PAK3: variants seen among roughly 807,000 people sequenced by gnomAD.
PAK3 encodes the protein p21 (RAC1) activated kinase 3, also known as serine/threonine-protein kinase PAK 3.
In PAK3, 4 loss-of-function variants were observed where a neutral mutation model predicts 41.0. That is an observed-to-expected ratio of 0.10 (90% CI 0.05 to 0.22). PAK3 has a LOEUF of 0.22. Among genes scored for constraint, PAK3 ranks in the 10% least tolerant of loss-of-function variants. The pLI, the probability that PAK3 is intolerant of heterozygous loss-of-function variation, is 1.00. For synonymous variants in PAK3, 146 were observed against 139.6 expected, an observed-to-expected ratio of 1.05 and a Z score of -0.32; for missense variants, 205 against 409.9, an observed-to-expected ratio of 0.50 and a Z score of 4.32.
chrX:111,135,571 G>A (rs1370401896), intron 5 of PAK3, among the ~76,000 whole-genome samples: 2 of 111,214 alleles, frequency 1.8e-5, no homozygotes, highest in Non-Finnish European at 3.8e-5. Flanking sequence ...AAATGAGGCT[G>A]AGAAAGAAAA....
At position 111,152,490 on chromosome X, in the gene PAK3, C is replaced by T. The variant is rs377362916; in HGVS notation, c.468+43C>T. ...AACTGTTTCACATGATTGGTGTTTCCAAAGATTTAAGAGAATATAACTGCA... is the reference window on the plus strand; with the variant it reads ...AACTGTTTCACATGATTGGTGTTTCTAAAGATTTAAGAGAATATAACTGCA... On this transcript the variant is annotated intron_variant, in intron 8 of 17. Coordinates refer to ENST00000372007, the MANE Select transcript of PAK3 (RefSeq NM_002578.5). 10 of 942,711 alleles carry T rather than the reference C, an allele frequency of 1.1e-5. No homozygotes were observed. In the African/African-American group the frequency reaches 1.9e-4, roughly 18 times the overall value. The allele number at this position is 942,711 out of a possible 1,213,427, so 77.7% of individuals were successfully genotyped here.
chrX:111,129,626 G>A (rs1036152984), intron 5 of PAK3, among the ~76,000 whole-genome samples: 47 of 111,587 alleles, frequency 4.2e-4, no homozygotes, highest in African/African-American at 1.5e-3. Flanking sequence ...AATGAATGGG[G>A]AAACTGGGCA....
At chrX:111,214,262 A>T (rs2094852201) in intron 16 of PAK3, among the ~76,000 whole-genome samples, 1 of 111,800 alleles carries the variant, frequency 8.9e-6, no homozygotes, top group Non-Finnish European at 1.9e-5. Context: ...CTGAGTTATT[A>T]TGTGTGAATT....
chrX:111,186,464 G>A (rs752778534), intron 11 of PAK3, among the ~76,000 whole-genome samples: 1 of 111,635 alleles, frequency 9.0e-6, no homozygotes, highest in Non-Finnish European at 1.9e-5. Context: ...CAAAATCAAT[G>A]TGCAAAAATC....
At chrX:110,983,529 C>CGTGT (rs113126993) in intron 1 of PAK3, among the ~76,000 whole-genome samples, 2,647 of 100,118 alleles carry the variant, frequency 0.026, 28 homozygotes, top group South Asian at 0.048. Context: ...TGTATGTCTG[C>CGTGT]GTGTGTGTGT....
chrX:111,018,372 T>A (rs1426468841), intron 1 of PAK3, among the ~76,000 whole-genome samples: 1 of 112,055 alleles, frequency 8.9e-6, no homozygotes, highest in Non-Finnish European at 1.9e-5. Flanking sequence ...CTATTAGAAC[T>A]AATAAATCAA....
chrX:110,961,037 G>C (rs771997149), intron 1 of PAK3, among the ~76,000 whole-genome samples: 126 of 110,746 alleles, frequency 1.1e-3, no homozygotes, highest in African/African-American at 3.7e-3. Flanking sequence ...TATTATAGTG[G>C]TTTAGCAAAA....
chrX:111,031,128 T>C (rs2092335266), intron 1 of PAK3, among the ~76,000 whole-genome samples: 1 of 112,377 alleles, frequency 8.9e-6, no homozygotes, highest in Non-Finnish European at 1.9e-5. Context: ...GATTACCTAC[T>C]GCAAGACATT....
intron 5 of PAK3, among the ~76,000 whole-genome samples, chrX:111,128,445 C>A (rs1002957605): frequency 1.8e-5 from 2 of 112,154 alleles, no homozygotes; most frequent in African/African-American, 6.5e-5. Flanking sequence ...AGGCACTTTA[C>A]ATGTATTGAT....
chrX:110,978,069 C>T (rs773015702), intron 1 of PAK3, among the ~76,000 whole-genome samples: 1 of 111,698 alleles, frequency 9.0e-6, no homozygotes, highest in African/African-American at 3.3e-5. Context: ...CTATCTGTAG[C>T]TTGTTGAGTG....
chrX:111,001,222 C>G (rs2091842801), intron 1 of PAK3, among the ~76,000 whole-genome samples: 1 of 112,155 alleles, frequency 8.9e-6, no homozygotes. Context: ...GGAAGTCAAA[C>G]AAAGGACATC....
upstream of PAK3, among the ~76,000 whole-genome samples, chrX:111,094,872 A>G (rs771683659): frequency 9.9e-4 from 108 of 109,411 alleles, no homozygotes; most frequent in Non-Finnish European, 1.8e-3. Context: ...TATTTTTAGT[A>G]GAGACGGGGT....
intron 1 of PAK3, among the ~76,000 whole-genome samples, chrX:110,959,690 A>G (rs774283973): frequency 2.7e-5 from 3 of 110,856 alleles, no homozygotes; most frequent in Non-Finnish European, 5.7e-5. Flanking sequence ...GCCTTAATTG[A>G]CACATCAGTT....
At chrX:111,138,589 C>G (rs1569393617) in intron 5 of PAK3, among the ~76,000 whole-genome samples, 1 of 110,609 alleles carries the variant, frequency 9.0e-6, no homozygotes, top group Non-Finnish European at 1.9e-5. Flanking sequence ...TAGGAGTGAT[C>G]CCCATAAATT....
At chrX:111,040,391 A>T (rs1042088281) in intron 1 of PAK3, among the ~76,000 whole-genome samples, 2 of 112,421 alleles carry the variant, frequency 1.8e-5, no homozygotes, top group African/African-American at 6.5e-5. Context: ...ATCATAATGC[A>T]TCAATTACTG....
Position 110,971,154 on chromosome X carries a change from T to C in PAK3, c.-28+26526T>C, listed in dbSNP as rs952672152. Among the ~76,000 whole-genome samples, 35 of 112,254 alleles carry C rather than the reference T, an allele frequency of 3.1e-4. 2 individuals carry two copies. Among genetic ancestry groups the C allele is most frequent in the African/African-American group, 1.0e-3 (31 of 30,876 alleles). ...AGTACAAGATTAAAGACTTTGAGTA[T>C]ATTCACAGAATTTTGCATTCATCAC... On this transcript the variant is annotated intron_variant, in intron 1 of 14. Transcript: ENST00000425146.
At chrX:111,143,122 T>C (rs976223624) in intron 6 of PAK3, among the ~76,000 whole-genome samples, 6 of 110,916 alleles carry the variant, frequency 5.4e-5, no homozygotes, top group Admixed American at 3.9e-4. Context: ...AGGAGTAATT[T>C]TGAGGGCATT....
chrX:111,175,298 A>C lies in PAK3; in HGVS notation c.830+2217A>C, dbSNP rs1434248588. Among the ~76,000 whole-genome samples, 17 of 111,835 alleles carry C rather than the reference A, an allele frequency of 1.5e-4. No homozygotes were observed. The Admixed American group carries it at 1.6e-3, about 11-fold the overall frequency. ...GCTAGTCCAAATGGAAATGTACTTA[A>C]GTATAAAAGGCACACCTGATTTCAA... On this transcript the variant is annotated intron_variant, in intron 11 of 17. Coordinates refer to ENST00000372007, the MANE Select transcript of PAK3 (RefSeq NM_002578.5).
At chrX:111,059,383 G>T (rs764052016) in intron 1 of PAK3, among the ~76,000 whole-genome samples, 1 of 110,353 alleles carries the variant, frequency 9.1e-6, no homozygotes, top group East Asian at 2.9e-4. Context: ...TGTTGTCCTG[G>T]CTGGTCTTGA....
Sources: gnomAD v4.1 joint callset for allele counts (sites outside exome capture counted in the v4.1 genomes callset) on GRCh38, gnomAD v4.1.1 for gene constraint, MANE v1.5 for transcripts, NCBI Gene and HGNC (gene_info 2026-07-23, HGNC 2026-07-21) for gene names.